R3HDM1: variants seen among roughly 807,000 people sequenced by gnomAD.
The protein encoded by R3HDM1 is R3H domain-containing protein 1.
A neutral mutation model predicts 141.1 loss-of-function variants in R3HDM1; 46 were observed. That is an observed-to-expected ratio of 0.33 (90% CI 0.26 to 0.42). The LOEUF is 0.42. Among genes scored for constraint, R3HDM1 ranks in the 10% least tolerant of loss-of-function variants. The pLI is 1.00. For missense variants in R3HDM1, 1,184 were observed against 1,368.3 expected (o/e 0.87, Z 2.12); for synonymous variants, 435 against 472.9 (o/e 0.92, Z 1.04).
At chr2:135,563,402 C>G (rs553508211) in intron 1 of R3HDM1, among the ~76,000 whole-genome samples, 1 of 152,314 alleles carries the variant, frequency 6.6e-6, no homozygotes, top group African/African-American at 2.4e-5. Flanking sequence ...TGCCACGACT[C>G]CTAGGTCCAG....
At chr2:135,616,222 T>C in intron 4 of R3HDM1, 29 bp downstream of exon 4, 1 of 1,588,526 alleles carries the variant, frequency 6.3e-7, no homozygotes, top group Non-Finnish European at 8.6e-7. Context: ...TGTGCTGGCA[T>C]GCCAAGGGCC....
At chr2:135,555,773 C>T (rs1331492980) in intron 1 of R3HDM1, among the ~76,000 whole-genome samples, 1 of 152,114 alleles carries the variant, frequency 6.6e-6, no homozygotes, top group African/African-American at 2.4e-5. Context: ...TATCTGTAAT[C>T]CTAGCACTTT....
chr2:135,685,936 A>C (rs540923559), intron 21 of R3HDM1, among the ~76,000 whole-genome samples: 1 of 152,310 alleles, frequency 6.6e-6, no homozygotes, highest in South Asian at 2.1e-4. Context: ...GGAAACTGCA[A>C]ATTTGCCAGC....
chr2:135,586,712 T>C, intron 1 of R3HDM1: 2 of 985,424 alleles, frequency 2.0e-6, no homozygotes, highest in Non-Finnish European at 2.4e-6. Flanking sequence ...TAGAGTCATT[T>C]ACTTCTCAGC....
chr2:135,537,439 AT>A (rs1696440640), intron 1 of R3HDM1, among the ~76,000 whole-genome samples: 1 of 150,548 alleles, frequency 6.6e-6, no homozygotes, highest in South Asian at 2.1e-4. Flanking sequence ...GTCACGAGCC[AT>A]CATGCCAGCT....
At chr2:135,718,369 T>G (rs187043448) in intron 24 of R3HDM1, among the ~76,000 whole-genome samples, 35 of 152,256 alleles carry the variant, frequency 2.3e-4, no homozygotes, top group African/African-American at 8.2e-4. Context: ...CCTTAAAAAC[T>G]TACACACACA....
intron 7 of R3HDM1, among the ~76,000 whole-genome samples, chr2:135,630,592 T>C (rs901813149): frequency 6.6e-6 from 1 of 152,056 alleles, no homozygotes; most frequent in Non-Finnish European, 1.5e-5. Flanking sequence ...ACTTTTGCAG[T>C]GTAGGAGGAG....
chr2:135,668,313 A>G (rs1005816504), intron 19 of R3HDM1, among the ~76,000 whole-genome samples: 123 of 152,342 alleles, frequency 8.1e-4, no homozygotes, highest in African/African-American at 2.7e-3. Context: ...AAAAAGACCA[A>G]TAATCTTTTA....
At chr2:135,702,694 G>C (rs557293320) in intron 21 of R3HDM1, among the ~76,000 whole-genome samples, 21 of 151,140 alleles carry the variant, frequency 1.4e-4, no homozygotes, top group African/African-American at 4.4e-4. Flanking sequence ...ATGTGTGCCT[G>C]TAATCCCAGC....
At chr2:135,626,205 G>GTGTGTGCTTGCT (rs769901090) in intron 7 of R3HDM1, among the ~76,000 whole-genome samples, 5,249 of 116,036 alleles carry the variant, frequency 0.045, 153 homozygotes, top group African/African-American at 0.13. Context: ...GCGTGCGTGC[G>GTGTGTGCTTGCT]TGCGTGCTTG....
Position 135,709,518 on chromosome 2 carries a change from C to G in R3HDM1, c.2545C>G (p.Gln849Glu). ...TTCACCATGCAGTTCCCAGCAGCTT[C>G]AAGGCCACCAATGTACAGGTATAAA... ...TTSPCSSQQL[Q>E]GHQCTAGPPP... is the part of the protein sequence containing the mutation. The change falls in exon 22 of 27, where the codon CAA (glutamine) becomes GAA (glutamate). Residue 849 changes from glutamine (Q) to glutamate (E), a missense_variant. This residue lies in a region of R3HDM1 where 563 missense variants were observed against 562.0 expected (regional missense o/e 1.00). Coordinates refer to ENST00000683871, the MANE Select transcript of R3HDM1 (RefSeq NM_001378107.1). The G allele has an allele frequency of 6.2e-7, 1 of 1,614,136 alleles. No individual in the cohort carries two copies. Among genetic ancestry groups the G allele is most frequent in the Non-Finnish European group, 8.5e-7 (1 of 1,179,992 alleles).
At chr2:135,546,965 C>A (rs1401729268) in intron 1 of R3HDM1, among the ~76,000 whole-genome samples, 3 of 152,126 alleles carry the variant, frequency 2.0e-5, no homozygotes, top group Admixed American at 6.5e-5. Flanking sequence ...AGCCACCGCG[C>A]CCAGCCAAGA....
intron 11 of R3HDM1, among the ~76,000 whole-genome samples, chr2:135,637,360 A>G (rs2063359618): frequency 6.6e-6 from 1 of 152,158 alleles, no homozygotes; most frequent in African/African-American, 2.4e-5. Flanking sequence ...AGGAATTAAA[A>G]GATTTAAGAG....
chr2:135,636,236 G>T lies in R3HDM1; in HGVS notation c.903+53G>T, dbSNP rs1268344403. 2.6e-6 allele frequency: 4 copies of T among 1,566,342 alleles called. No individual in the cohort carries two copies. In the African/African-American group the frequency reaches 5.5e-5, roughly 21 times the overall value. On this transcript the variant is annotated intron_variant, in intron 11 of 26. Transcript: ENST00000683871. ...TGTTAGAGTATATTCTAATTACGTT[G>T]TAGGGTCTCAGTCTCCCTTTTATCT...
chr2:135,700,727 A>G (rs2105408693), intron 21 of R3HDM1, among the ~76,000 whole-genome samples: 1 of 152,336 alleles, frequency 6.6e-6, no homozygotes, highest in South Asian at 2.1e-4. Context: ...AGCAGCCATG[A>G]AATATTTACA....
chr2:135,677,016 A>G (rs1358622373), intron 20 of R3HDM1, among the ~76,000 whole-genome samples: 1 of 152,188 alleles, frequency 6.6e-6, no homozygotes, highest in Non-Finnish European at 1.5e-5. Flanking sequence ...CAGGTTAAGG[A>G]CTTGATTTGA....
intron 5 of R3HDM1, chr2:135,620,625 T>A: frequency 2.0e-6 from 2 of 979,644 alleles, no homozygotes; most frequent in African/African-American, 3.5e-5. Context: ...TTCTTGACTA[T>A]AGAACAACAG....
At position 135,639,079 on chromosome 2, in the gene R3HDM1, TA is replaced by T; in HGVS notation, c.1177del (p.Ser393ValfsTer8). 1 of 1,614,192 alleles carries T rather than the reference TA, an allele frequency of 6.2e-7. No individual in the cohort carries two copies. The highest frequency in any genetic ancestry group is 8.5e-7 in the Non-Finnish European group (1 of 1,180,038). ...SGISVLTRGD[S>X]SGSSKSIGRL... ...GAATCTCAGTCCTGACAAGAGGTGA[TA>T]GTTCTGGAAGCAGCAAAAGCATAGG... On this transcript the variant is annotated frameshift_variant, in exon 14 of 27. Transcript: ENST00000683871. LOFTEE classifies it high-confidence loss of function.
chr2:135,630,309 C>CAAAAAAAAAAACA (rs1240227634), intron 7 of R3HDM1, among the ~76,000 whole-genome samples: 2 of 79,080 alleles, frequency 2.5e-5, no homozygotes, highest in African/African-American at 9.3e-5. Flanking sequence ...AAAAAAAAAA[C>CAAAAAAAAAAACA]AAAAAAAAAA....
Sources: gnomAD v4.1 joint callset for allele counts (sites outside exome capture counted in the v4.1 genomes callset) on GRCh38, gnomAD v4.1.1 for gene constraint, gnomAD v4.1.1 regional missense constraint, MANE v1.5 for transcripts, NCBI Gene and HGNC (gene_info 2026-07-23, HGNC 2026-07-21) for gene names.